Variants in NAV1 observed in about 807,000 individuals in gnomAD.
NAV1 encodes the protein neuron navigator 1.
Under a neutral mutation model 175.2 loss-of-function variants are expected in NAV1, and 18 were observed. That is an observed-to-expected ratio of 0.10 (90% confidence interval 0.07 to 0.15). NAV1 has a LOEUF of 0.15. Among genes scored for constraint, NAV1 ranks in the 10% least tolerant of loss-of-function variants. The pLI, the probability that NAV1 is intolerant of heterozygous loss-of-function variation, is 1.00. For missense variants in NAV1, 1,731 were observed against 2,436.6 expected, an observed-to-expected ratio of 0.71 and a Z score of 6.10; for synonymous variants, 897 against 978.7, an observed-to-expected ratio of 0.92 and a Z score of 1.56.
chr1:201,546,052 T>C (rs1441163303), intron 1 of NAV1, among the ~76,000 whole-genome samples: 2 of 152,222 alleles, frequency 1.3e-5, no homozygotes, highest in African/African-American at 4.8e-5. Context: ...ACTGCTCTCT[T>C]CCTGCTTTTC....
chr1:201,757,314 G>A (rs1674574563), intron 3 of NAV1, among the ~76,000 whole-genome samples: 2 of 151,998 alleles, frequency 1.3e-5, no homozygotes, highest in African/African-American at 4.8e-5. Flanking sequence ...AGAGTGGAGT[G>A]CAGTGGCACA....
chr1:201,721,393 G>T (rs1372384443), intron 3 of NAV1, among the ~76,000 whole-genome samples: 1 of 152,202 alleles, frequency 6.6e-6, no homozygotes, highest in African/African-American at 2.4e-5. Flanking sequence ...GTAATTTAAT[G>T]TAAACAGTCA....
intron 1 of NAV1, among the ~76,000 whole-genome samples, chr1:201,690,732 T>G (rs993975688): frequency 6.7e-6 from 1 of 149,006 alleles, no homozygotes; most frequent in Non-Finnish European, 1.5e-5. Context: ...CGTGGCAGAG[T>G]GCTGGCTATT....
At chr1:201,716,840 T>C (rs1672161791) in intron 2 of NAV1, among the ~76,000 whole-genome samples, 1 of 152,208 alleles carries the variant, frequency 6.6e-6, no homozygotes, top group Non-Finnish European at 1.5e-5. Context: ...TTTGCACCAC[T>C]ACACTCCAGC....
intron 3 of NAV1, among the ~76,000 whole-genome samples, chr1:201,719,870 C>T (rs1478684887): frequency 6.6e-6 from 1 of 152,086 alleles, no homozygotes; most frequent in Non-Finnish European, 1.5e-5. Context: ...AGCCTCTCCT[C>T]GGAAAAGACG....
chr1:201,670,019 T>C (rs1669974393), intron 1 of NAV1, among the ~76,000 whole-genome samples: 1 of 152,054 alleles, frequency 6.6e-6, no homozygotes, highest in African/African-American at 2.4e-5. Flanking sequence ...TTTGCCTAAA[T>C]ACAAAAGTTC....
chr1:201,560,756 C>T (rs1360630652), intron 1 of NAV1, among the ~76,000 whole-genome samples: 1 of 152,238 alleles, frequency 6.6e-6, no homozygotes, highest in African/African-American at 2.4e-5. Flanking sequence ...TCTCCTGTCT[C>T]TGCAGAGCCC....
chr1:201,761,376 G>T (rs1466827676), intron 3 of NAV1, among the ~76,000 whole-genome samples: 1 of 152,168 alleles, frequency 6.6e-6, no homozygotes, highest in Non-Finnish European at 1.5e-5. Flanking sequence ...GTGGCTGGAG[G>T]TGTTTATAGC....
intron 3 of NAV1, among the ~76,000 whole-genome samples, chr1:201,746,774 G>A (rs1012244906): frequency 2.0e-5 from 3 of 152,186 alleles, no homozygotes; most frequent in Admixed American, 2.0e-4. Flanking sequence ...GCTGAGGCAG[G>A]TGGATCGCTT....
chr1:201,787,699 AGAATAG>A lies in NAV1; in HGVS notation c.2996-768_2996-763del, dbSNP rs1390159469. On this transcript the variant is annotated intron_variant, in intron 9 of 29. Coordinates refer to ENST00000367296, the Ensembl canonical transcript of NAV1. This position sits in a 1 kb window ranked among gnomAD's most constrained non-coding sequence, Gnocchi z 4.3. ...ATCCACCTGCCTGTATGGAGGCAGAAGAATAGACAAGGGAGCTCCTTGTGGGTATGA... is the reference window on the plus strand; with the variant it reads ...ATCCACCTGCCTGTATGGAGGCAGAAACAAGGGAGCTCCTTGTGGGTATGA... 1 of 456,244 alleles carries A rather than the reference AGAATAG, an allele frequency of 2.2e-6. No individual in the cohort carries two copies. The highest frequency in any genetic ancestry group is 7.0e-5 in the East Asian group (1 of 14,386). 28.3% of individuals were successfully genotyped at this position (456,244 alleles called of 1,614,324 possible).
chr1:201,684,917 A>G (rs1571882978), intron 1 of NAV1, among the ~76,000 whole-genome samples: 2 of 150,108 alleles, frequency 1.3e-5, no homozygotes, highest in South Asian at 4.2e-4. Flanking sequence ...AGCCACGATC[A>G]TGCTACTGCA....
intron 1 of NAV1, among the ~76,000 whole-genome samples, chr1:201,666,404 A>G (rs1041183589): frequency 7.2e-5 from 11 of 152,196 alleles, no homozygotes; most frequent in Non-Finnish European, 7.3e-5. Flanking sequence ...TATGTAGGAA[A>G]CATAAGTCTG....
intron 17 of NAV1, among the ~76,000 whole-genome samples, chr1:201,806,265 A>G (rs1387139036): frequency 6.6e-6 from 1 of 152,156 alleles, no homozygotes; most frequent in Non-Finnish European, 1.5e-5. Context: ...AATTACAGGC[A>G]TGAGCCACTG....
At chr1:201,820,579 A>T (rs1679325126) in exon 30 of NAV1, 1 of 152,404 alleles carries the variant, frequency 6.6e-6, no homozygotes, top group South Asian at 2.1e-4. Context: ...CAAGGTAGAG[A>T]GCTGCCCGCT....
intron 1 of NAV1, among the ~76,000 whole-genome samples, chr1:201,549,145 TCTTTCTC>T (rs1445029976): frequency 1.9e-3 from 281 of 145,762 alleles, no homozygotes; most frequent in Middle Eastern, 3.5e-3. Context: ...CTTTCTTTCT[TCTTTCTC>T]TCTCTCTCTT....
chr1:201,648,513 C>T lies in NAV1; in HGVS notation c.-156C>T, dbSNP rs1669060006. The T allele has an allele frequency of 4.8e-6, 6 of 1,239,936 alleles. No individual in the cohort carries two copies. In the East Asian group the frequency reaches 1.9e-4, roughly 39 times the overall value. The allele number at this position is 1,239,936 out of a possible 1,614,324, so 76.8% of individuals were successfully genotyped here. The stretch of plus-strand genomic sequence containing the variant: ...CGGCTTGCCTCTCTCCCTCCTCCCT[C>T]GCTCTCTCCCCCTTCTCTCCCCTTC... On this transcript the variant is annotated 5_prime_UTR_variant, in exon 1 of 30. Coordinates refer to ENST00000367296, the Ensembl canonical transcript of NAV1.
intron 1 of NAV1, among the ~76,000 whole-genome samples, chr1:201,708,716 G>A (rs1267798912): frequency 1.3e-5 from 2 of 152,168 alleles, no homozygotes; most frequent in Admixed American, 6.5e-5. Context: ...TTGAGGAAGG[G>A]GATGGGCTAC....
chr1:201,557,006 T>C (rs565799687), intron 1 of NAV1, among the ~76,000 whole-genome samples: 2 of 152,292 alleles, frequency 1.3e-5, no homozygotes, highest in East Asian at 3.9e-4. Flanking sequence ...CCTGACTCCA[T>C]GATCCTGCCA....
intron 1 of NAV1, among the ~76,000 whole-genome samples, chr1:201,568,284 G>A (rs923306695): frequency 1.3e-5 from 2 of 152,146 alleles, no homozygotes; most frequent in Non-Finnish European, 2.9e-5. Context: ...AGTTTCCTGT[G>A]GGTAGATCTG....
Sources: gnomAD v4.1 joint callset for allele counts (sites outside exome capture counted in the v4.1 genomes callset) on GRCh38, gnomAD v4.1.1 for gene constraint, Gnocchi (gnomAD v3.1) non-coding constraint, MANE v1.5 for transcripts, NCBI Gene and HGNC (gene_info 2026-07-23, HGNC 2026-07-21) for gene names.